The following GLP1R variants were observed in gnomAD, a reference collection of about 807,000 sequenced individuals.
GLP1R encodes the protein glucagon-like peptide 1 receptor.
In GLP1R, 32 loss-of-function variants were observed where a neutral mutation model predicts 68.4. The observed-to-expected ratio is 0.47, with a 90% CI of 0.35 to 0.63. The LOEUF is 0.63. Ranked by LOEUF, GLP1R falls within the 20% of genes least tolerant of loss-of-function variation. The pLI is 0.00. For missense variants in GLP1R, 502 were observed against 594.9 expected (o/e 0.84, Z 1.62); for synonymous variants, 263 against 244.4 (o/e 1.08, Z -0.71).
At chr6:39,080,671 C>G (rs770873520) in intron 11 of GLP1R, 27 bp from the exon 12 acceptor site, 1 of 1,561,070 alleles carries the variant, frequency 6.4e-7, no homozygotes, top group East Asian at 2.4e-5. Context: ...CCTGCTTCCT[C>G]CCTCTTGATG....
At chr6:39,078,927 A>G (rs202131564) in intron 8 of GLP1R, 30 bp from the exon 9 acceptor site, 301 of 1,591,132 alleles carry the variant, frequency 1.9e-4, no homozygotes, top group Middle Eastern at 1.2e-3. Context: ...GTCCTGCTGG[A>G]TGCATGTGTG....
At position 39,080,678 on chromosome 6, in the gene GLP1R, G is replaced by A. The variant is rs1310628960; in HGVS notation, c.1183-20G>A. 4 of 1,580,782 alleles carry A rather than the reference G, an allele frequency of 2.5e-6. No homozygotes were observed. The Admixed American group carries it at 5.2e-5, about 21-fold the overall frequency. ...ACCTCCCTCCTGCTTCCTCCCTCTT[G>A]ATGTGACTCTTGTTTCCAGGGGCTG... On this transcript the variant is annotated intron_variant, in intron 11 of 12. Coordinates refer to ENST00000373256, the MANE Select transcript of GLP1R (RefSeq NM_002062.5).
At position 39,066,201 on chromosome 6, in the gene GLP1R, C is replaced by A; in HGVS notation, c.407C>A (p.Ser136Tyr). ...TATGTCCCCCGTGTGCCACAGAGCT[C>A]CCCGGAGGAGCAGCTCCTGTTCCTC... ...CEESKRGERS[S>Y]PEEQLLFLYI... The change falls in exon 5 of 13, where the codon TCC (serine) becomes TAC (tyrosine). Residue 136 changes from serine to tyrosine, a missense_variant. Transcript: ENST00000373256. 6.3e-7 allele frequency: 1 copy of A among 1,583,082 alleles called. No individual in the cohort carries two copies.
intron 1 of GLP1R, among the ~76,000 whole-genome samples, chr6:39,054,627 G>C (rs575764640): frequency 6.6e-6 from 1 of 152,140 alleles, no homozygotes; most frequent in East Asian, 1.9e-4. Flanking sequence ...CCCTCCCCCC[G>C]CCTCTGGGAA....
chr6:39,073,066 G>A, intron 6 of GLP1R, 51 bp downstream of exon 6: 1 of 1,517,166 alleles, frequency 6.6e-7, no homozygotes, highest in Non-Finnish European at 9.1e-7. Context: ...GTTGGAGGAG[G>A]CCTGCCTCTG....
rs201498303 is a variant in GLP1R, at chr6:39,065,725, G to A, written c.298G>A (p.Val100Met). 18 of 1,566,524 alleles carry A rather than the reference G, an allele frequency of 1.1e-5. No homozygotes were observed. Among genetic ancestry groups the A allele is most frequent in the Non-Finnish European group, 1.4e-5 (16 of 1,154,764 alleles). Residue 100 changes from valine (V) to methionine (M), a missense_variant, in exon 4 of 13, where the codon GTG becomes ATG. Physicochemically the swap from Val to Met is conservative, Grantham distance 21 (BLOSUM62 1). Coordinates refer to ENST00000373256, the MANE Select transcript of GLP1R (RefSeq NM_002062.5). Reference protein sequence around the residue: ...PWASSVPQGHVYRFCTAEGLW... With the variant: ...PWASSVPQGHMYRFCTAEGLW... ...CCCCACCCCAGTGCCGCAGGGCCAC[G>A]TGTACCGGTTCTGCACAGCTGAAGG...
chr6:39,066,050 G>A (rs1004783481), intron 4 of GLP1R, 147 bp from the exon 5 acceptor site: 15 of 622,638 alleles, frequency 2.4e-5, no homozygotes, highest in African/African-American at 3.7e-5. Flanking sequence ...CATCGCCGTA[G>A]GTTACGGTTA....
chr6:39,077,546 G>A (rs544659233), intron 7 of GLP1R, among the ~76,000 whole-genome samples: 130 of 152,338 alleles, frequency 8.5e-4, no homozygotes, highest in African/African-American at 3.0e-3. Flanking sequence ...ACAAGCCACA[G>A]TGTCTTTTAT....
chr6:39,066,360 G>A, intron 5 of GLP1R, 57 bp downstream of exon 5: 5 of 915,300 alleles, frequency 5.5e-6, no homozygotes, highest in Non-Finnish European at 7.2e-6. Flanking sequence ...CCCAGATAGA[G>A]GAATGAAGCA....
rs988114126 is a variant in GLP1R, at chr6:39,072,447, A to G, written c.510-415A>G. Among the ~76,000 whole-genome samples the G allele has an allele frequency of 3.9e-5, 6 of 152,244 alleles. No homozygotes were observed. The East Asian group carries it at 5.8e-4, about 15-fold the overall frequency. ...TGAAAGGATATTAAAACTCTATCCA[A>G]TAGTTTCTGAATTCCTACCAAGTGC... is the stretch of plus-strand genomic sequence containing the variant. On this transcript the variant is annotated intron_variant, in intron 5 of 12. Transcript: ENST00000373256.
Position 39,079,813 on chromosome 6 carries a change from G to A in GLP1R, c.1182+111G>A. 2 of 1,005,128 alleles carry A rather than the reference G, an allele frequency of 2.0e-6. No individual in the cohort carries two copies. Among genetic ancestry groups the A allele is most frequent in the South Asian group, 2.9e-5 (2 of 68,740 alleles). 62.3% of individuals were successfully genotyped at this position (1,005,128 alleles called of 1,614,324 possible). ...GGTGGGAAGACTGGGACCTGGAGGG[G>A]TGATCCCTGCCCAAAGTCACCTAGT... On this transcript the variant is annotated intron_variant, in intron 11 of 12. Coordinates refer to ENST00000373256, the MANE Select transcript of GLP1R (RefSeq NM_002062.5). The surrounding 1 kb of genome is among the most constrained non-coding windows in gnomAD (Gnocchi z 4.5).
chr6:39,061,535 G>A lies in GLP1R; in HGVS notation c.283+3956G>A, dbSNP rs116394539. Among the ~76,000 whole-genome samples the A allele has an allele frequency of 6.1e-3, 922 of 152,228 alleles. 4 individuals are homozygous for A. The highest frequency in any genetic ancestry group is 0.01 in the Non-Finnish European group (701 of 67,998). On this transcript the variant is annotated intron_variant, in intron 3 of 12. Coordinates refer to ENST00000373256, the MANE Select transcript of GLP1R (RefSeq NM_002062.5). ...TAATGTGGAGCCTGGGGGTTTTTAC[G>A]ACAGCCTGGGGTTGCCAAGGGGAAA...
Position 39,073,766 on chromosome 6 carries a change from TG to T in GLP1R, c.823+1del. 1 of 1,613,854 alleles carries T rather than the reference TG, an allele frequency of 6.2e-7. No individual in the cohort carries two copies. Among genetic ancestry groups the T allele is most frequent in the Non-Finnish European group, 8.5e-7 (1 of 1,179,896 alleles). ...WIFRLYVSIG[W>X]GVPLLFVVPW... The stretch of plus-strand genomic sequence containing the variant: ...CTTCAGGCTCTACGTGAGCATAGGC[TG>T]GGGTAAGAACCGCCATCACCCACCC... On this transcript the variant is annotated frameshift_variant and splice_region_variant, in exon 7 of 13. Transcript: ENST00000373256. LOFTEE classifies it high-confidence loss of function.
intron 3 of GLP1R, among the ~76,000 whole-genome samples, chr6:39,065,476 C>T (rs910164): frequency 0.021 from 3,247 of 152,310 alleles, 130 homozygotes; most frequent in African/African-American, 0.075. Flanking sequence ...GAGCCCCTGC[C>T]TTGGTGGCCC....
In GLP1R at chr6:39,056,228, C is replaced by G. The variant is rs1054300716; in HGVS notation, c.79-169C>G. 3.5e-4 allele frequency among the ~76,000 whole-genome samples: 53 copies of G among 152,196 alleles called. 1 individual carries two copies. The highest frequency in any genetic ancestry group is 1.1e-3 in the African/African-American group (44 of 41,432). On this transcript the variant is annotated intron_variant, in intron 1 of 12. Transcript: ENST00000373256. ...ATGTCAAACCATCCACCTGGGGCCC[C>G]TGGGTGGCAGTGACTTATTCTCACT...
Position 39,057,505 on chromosome 6 carries a change from C to T in GLP1R, c.209C>T (p.Ala70Val). The part of the protein sequence containing the change: ...LFCNRTFDEY[A>V]CWPDGEPGSF... ...TGCAACCGGACCTTCGATGAATACG[C>T]CTGCTGGCCAGATGGGGAGCCAGGC... is the stretch of plus-strand genomic sequence containing the variant. Residue 70 changes from alanine (A) to valine (V), a missense_variant, in exon 3 of 13, where the codon GCC becomes GTC. Transcript: ENST00000373256. 1 of 1,613,586 alleles carries T rather than the reference C, an allele frequency of 6.2e-7. No individual in the cohort carries two copies.
chr6:39,055,919 G>A (rs950148379), intron 1 of GLP1R, among the ~76,000 whole-genome samples: 64 of 152,240 alleles, frequency 4.2e-4, no homozygotes, highest in African/African-American at 1.4e-3. Context: ...TCCTGGGGGG[G>A]CTGTGCACCC....
rs963700679 is a variant in GLP1R, at chr6:39,049,602, G to A, written c.78+684G>A. 2.0e-5 allele frequency among the ~76,000 whole-genome samples: 3 copies of A among 151,956 alleles called. No individual in the cohort carries two copies. Among genetic ancestry groups the A allele is most frequent in the East Asian group, 1.9e-4 (1 of 5,184 alleles). On this transcript the variant is annotated intron_variant, in intron 1 of 12. Coordinates refer to ENST00000373256, the MANE Select transcript of GLP1R (RefSeq NM_002062.5). This position sits in a 1 kb window ranked among gnomAD's most constrained non-coding sequence, Gnocchi z 4.5. ...AGTGCCCCCCTGGAAGCAGCCAGGC[G>A]CCCCCACTCACCCACTCTGCTGACC...
chr6:39,077,634 T>TA (rs1264890459), intron 7 of GLP1R, among the ~76,000 whole-genome samples: 3 of 152,368 alleles, frequency 2.0e-5, no homozygotes, highest in East Asian at 3.9e-4. Context: ...CAACGTGGAC[T>TA]AACTACCCAA....
Sources: allele counts gnomAD v4.1 joint callset (sites outside exome capture counted in the v4.1 genomes callset), GRCh38; gene constraint gnomAD v4.1.1; non-coding constraint Gnocchi (gnomAD v3.1); transcripts MANE v1.5; gene names NCBI Gene and HGNC (gene_info 2026-07-23, HGNC 2026-07-21).